The following FAM161A variants were observed in gnomAD, a reference collection of about 807,000 sequenced individuals.
FAM161A encodes the protein FAM161 centrosomal protein A.
FAM161A carries 57 observed loss-of-function variants against 70.9 expected under a neutral mutation model. The observed-to-expected ratio is 0.80, with a 90% CI of 0.65 to 1.00. FAM161A has a LOEUF of 1.00. Ranked by LOEUF, FAM161A falls within the 50% of genes least tolerant of loss-of-function variation. FAM161A has a pLI of 0.00. For missense variants in FAM161A, 880 were observed against 836.0 expected (o/e 1.05, Z -0.65); for synonymous variants, 299 against 295.7 (o/e 1.01, Z -0.12).
In FAM161A at chr2:61,827,336, C is replaced by T. The variant is rs543590205; in HGVS notation, c.1852-78G>A. 2.9e-5 allele frequency: 42 copies of T among 1,467,686 alleles called. No individual in the cohort carries two copies. In the East Asian group the frequency reaches 3.0e-4, roughly 11 times the overall value. The allele number at this position is 1,467,686 out of a possible 1,614,324, so 90.9% of individuals were successfully genotyped here. A position where few individuals can be genotyped will look rare whatever the true frequency, so the allele number is the denominator to read the frequency against. ...TCAAAAATGTATAGATTAGGCCAGGCGCGGTGGCTCACGCCTGTAATCCCA... is the reference window on the plus strand; with the variant it reads ...TCAAAAATGTATAGATTAGGCCAGGTGCGGTGGCTCACGCCTGTAATCCCA... On this transcript the variant is annotated intron_variant, in intron 5 of 6. Transcript: ENST00000404929.
chr2:61,844,829 T>C (rs191875960), intron 1 of FAM161A, among the ~76,000 whole-genome samples: 2 of 152,308 alleles, frequency 1.3e-5, no homozygotes, highest in East Asian at 3.9e-4. Flanking sequence ...GCCCACAAGC[T>C]ACTTCCAGCT....
the FAM161A span, among the ~76,000 whole-genome samples, chr2:61,803,697 C>G: frequency 6.6e-6 from 1 of 152,140 alleles, no homozygotes; most frequent in African/African-American, 2.4e-5. Context: ...GCCTGTAATT[C>G]CAACTTCTCA....
At chr2:61,838,389 C>A in intron 4 of FAM161A, 149 bp downstream of exon 4, 1 of 650,550 alleles carries the variant, frequency 1.5e-6, no homozygotes. Flanking sequence ...AGTGTGTGTG[C>A]ACTGAACACA....
At chr2:61,800,477 T>C in the FAM161A span, among the ~76,000 whole-genome samples, 3 of 152,176 alleles carry the variant, frequency 2.0e-5, no homozygotes, top group African/African-American at 7.2e-5. Flanking sequence ...GATTGTTGCT[T>C]TCATCTTCAT....
At chr2:61,815,535 CTTTTTTTTTTTTTTTTT>C in the FAM161A span, among the ~76,000 whole-genome samples, 7,976 of 54,032 alleles carry the variant, frequency 0.15, 418 homozygotes, top group Middle Eastern at 0.22. Flanking sequence ...AAAGATGTGT[CTTTTTTTTTTTTTTTTT>C]TTTTTTTTTT....
chr2:61,840,449 A>G lies in FAM161A; in HGVS notation c.555T>C (p.Tyr185=). ...AGGTCATCATTCTGTTTTTCCTAGG[A>G]TACTCTTTTTCTAGGTTGGGTAACT... ...EEELPNLEKE[Y]PRKNRMMTYA... Residue 185 remains tyrosine (Y), a synonymous_variant, in exon 3 of 7, where the codon TAT becomes TAC. Transcript: ENST00000404929. 6.2e-7 allele frequency: 1 copy of G among 1,613,994 alleles called. No individual in the cohort carries two copies. The highest frequency in any genetic ancestry group is 8.5e-7 in the Non-Finnish European group (1 of 1,180,000).
intron 1 of FAM161A, among the ~76,000 whole-genome samples, chr2:61,852,238 T>C (rs148497885): frequency 4.6e-4 from 70 of 152,232 alleles, no homozygotes; most frequent in Non-Finnish European, 8.4e-4. Context: ...TGATCCCTCC[T>C]AAGGTAATAA....
At chr2:61,819,849 A>G (rs1363819575), downstream of FAM161A, among the ~76,000 whole-genome samples, 2 of 152,168 alleles carry the variant, frequency 1.3e-5, no homozygotes, top group African/African-American at 4.8e-5. Context: ...TCTTCTTTTT[A>G]TTAGCATTCA....
At chr2:61,806,385 C>T in the FAM161A span, among the ~76,000 whole-genome samples, 10 of 152,102 alleles carry the variant, frequency 6.6e-5, no homozygotes, top group Non-Finnish European at 1.2e-4. Context: ...TACAATGAAC[C>T]GCCTTCAGAT....
chr2:61,835,738 C>A, intron 5 of FAM161A: 1 of 373,724 alleles, frequency 2.7e-6, no homozygotes, highest in Non-Finnish European at 4.9e-6. Flanking sequence ...CTACGTTGCA[C>A]AGGTTGGACC....
downstream of FAM161A, among the ~76,000 whole-genome samples, chr2:61,821,214 G>A (rs1672195949): frequency 6.6e-6 from 1 of 152,012 alleles, no homozygotes; most frequent in South Asian, 2.1e-4. Context: ...CACCATGCCT[G>A]GCTGATTTTT....
chr2:61,826,533 G>A lies in FAM161A; in HGVS notation c.2073C>T (p.Asn691=), dbSNP rs1572856753. ...NGEENYFIDT[N]SQDSYKEKDE... Reference sequence around the variant, plus strand: ...CTTTTTCCTTGTAAGAATCCTGGCTGTTGGTATCAATAAAATAATTTTCTT... The same window carrying A: ...CTTTTTCCTTGTAAGAATCCTGGCTATTGGTATCAATAAAATAATTTTCTT... Residue 691 remains asparagine, a synonymous_variant, in exon 7 of 7, where the codon AAC becomes AAT. Coordinates refer to ENST00000404929, the MANE Select transcript of FAM161A (RefSeq NM_001201543.2). 18 of 1,603,944 alleles carry A rather than the reference G, an allele frequency of 1.1e-5. No individual in the cohort carries two copies. The highest frequency in any genetic ancestry group is 7.8e-5 in the South Asian group (7 of 90,014).
chr2:61,853,986 A>G lies in FAM161A; in HGVS notation c.56T>C (p.Val19Ala), dbSNP rs1242172524. The G allele has an allele frequency of 1.2e-6, 2 of 1,613,420 alleles. No homozygotes were observed. Among genetic ancestry groups the G allele is most frequent in the Middle Eastern group, 1.6e-4 (1 of 6,084 alleles). Residue 19 changes from valine to alanine, a missense_variant, in exon 1 of 7, where the codon GTA (valine) becomes GCA (alanine). Transcript: ENST00000404929. The part of the protein sequence containing the change: ...KLVASSLQTP[V>A]NPITGARVAQ... ...GACCCGCGCTCCAGTGATGGGATTTACCGGGGTCTGGAGACTGGAGGCCAC... is the reference window on the plus strand; with the variant it reads ...GACCCGCGCTCCAGTGATGGGATTTGCCGGGGTCTGGAGACTGGAGGCCAC...
Position 61,838,522 on chromosome 2 carries a change from G to A in FAM161A, c.1751+16C>T. The A allele has an allele frequency of 6.3e-7, 1 of 1,595,276 alleles. No individual in the cohort carries two copies. Among genetic ancestry groups the A allele is most frequent in the Non-Finnish European group, 8.5e-7 (1 of 1,170,712 alleles). On this transcript the variant is annotated intron_variant, in intron 4 of 6. Transcript: ENST00000404929. ...GAAAACCAGTGGTCTGGAGATTCAA[G>A]ATTTTTTCATGATACCTGAGACATT...
chr2:61,812,105 G>A, the FAM161A span, among the ~76,000 whole-genome samples: 3 of 151,912 alleles, frequency 2.0e-5, no homozygotes, highest in Non-Finnish European at 4.4e-5. Context: ...TCAAATGTCC[G>A]CTTATTAGAG....
At chr2:61,821,286 T>G (rs1672197342), downstream of FAM161A, among the ~76,000 whole-genome samples, 1 of 151,938 alleles carries the variant, frequency 6.6e-6, no homozygotes, top group African/African-American at 2.4e-5. Context: ...CTCCTGACCT[T>G]GTGATCTGCC....
At position 61,840,524 on chromosome 2, in the gene FAM161A, C is replaced by T; in HGVS notation, c.480G>A (p.Glu160=). 6.2e-7 allele frequency: 1 copy of T among 1,613,938 alleles called. No individual in the cohort carries two copies. The highest frequency in any genetic ancestry group is 8.5e-7 in the Non-Finnish European group (1 of 1,179,856). The change falls in exon 3 of 7, where the codon GAG becomes GAA. Residue 160 remains glutamate (E), a synonymous_variant. Coordinates refer to ENST00000404929, the MANE Select transcript of FAM161A (RefSeq NM_001201543.2). ...AGGAGGAAGACTGGCCTAAATCAGG[C>T]TCTGAAAATGATGTCATTAATGAGA... ...HPVSLMTSFS[E]PDLGQSSSLY... is the part of the protein sequence containing the mutation.
chr2:61,807,907 T>C, the FAM161A span, among the ~76,000 whole-genome samples: 2 of 152,048 alleles, frequency 1.3e-5, no homozygotes, highest in African/African-American at 4.8e-5. Context: ...TCCCAAAGTT[T>C]TGGGATTCCA....
chr2:61,803,798 G>C, the FAM161A span, among the ~76,000 whole-genome samples: 2 of 152,124 alleles, frequency 1.3e-5, no homozygotes, highest in Non-Finnish European at 2.9e-5. Flanking sequence ...TGGGCACAGA[G>C]AAAGACTCTG....
Sources: gnomAD v4.1 joint callset for allele counts (sites outside exome capture counted in the v4.1 genomes callset) on GRCh38, gnomAD v4.1.1 for gene constraint, MANE v1.5 for transcripts, NCBI Gene and HGNC (gene_info 2026-07-23, HGNC 2026-07-21) for gene names.